USP46: variants seen among roughly 807,000 people sequenced by gnomAD.
USP46 encodes ubiquitin specific peptidase 46, also known as ubiquitin carboxyl-terminal hydrolase 46.
In USP46, 12 loss-of-function variants were observed where a neutral mutation model predicts 44.4. The ratio of observed to expected loss-of-function variants is 0.27; its 90% CI spans 0.17 to 0.44. The LOEUF (loss-of-function observed/expected upper bound fraction) is 0.44. USP46 is among the 20% of genes least tolerant of loss of function. USP46 has a pLI of 1.00. For missense variants in USP46, 248 were observed against 444.8 expected (o/e 0.56, Z 3.98); for synonymous variants, 155 against 161.5 (o/e 0.96, Z 0.31).
chr4:52,628,151 A>G lies in USP46; in HGVS notation c.130T>C (p.Cys44Arg). 1 of 1,613,728 alleles carries G rather than the reference A, an allele frequency of 6.2e-7. No homozygotes were observed. Among genetic ancestry groups the G allele is most frequent in the Non-Finnish European group, 8.5e-7 (1 of 1,179,686 alleles). ...GCCTGAAGCACGGAGTTACAGTAGC[A>G]TGTGTTTCCAAACTGCCAAGGGACA... ...YFGLVNFGNT[C>R]YCNSVLQALY... The change falls in exon 3 of 9, where the codon TGC (cysteine) becomes CGC (arginine). Residue 44 changes from cysteine to arginine, a missense_variant. Physicochemically the swap from Cys to Arg is radical, Grantham distance 180. This residue lies in a region of USP46 where 54 missense variants were observed against 135.0 expected (regional missense o/e 0.40). Coordinates refer to ENST00000441222, the MANE Select transcript of USP46 (RefSeq NM_022832.4).
intron 1 of USP46, 30 bp from the exon 2 acceptor site, chr4:52,631,174 T>A (rs755932872): frequency 2.0e-6 from 3 of 1,527,782 alleles, no homozygotes. Context: ...AAAGTTCTGT[T>A]GCATGTAAAA....
At chr4:52,632,994 G>GAAAAGAAAA (rs1228732494) in intron 1 of USP46, among the ~76,000 whole-genome samples, 4 of 91,320 alleles carry the variant, frequency 4.4e-5, no homozygotes, top group South Asian at 4.1e-4. Flanking sequence ...GAAAAGAAAA[G>GAAAAGAAAA]AAAGAAAGAA....
intron 1 of USP46, among the ~76,000 whole-genome samples, chr4:52,631,780 C>A (rs1221584153): frequency 1.3e-5 from 2 of 152,012 alleles, no homozygotes; most frequent in African/African-American, 4.8e-5. Flanking sequence ...CCGAGGTGAG[C>A]GGATCACTTG....
intron 1 of USP46, chr4:52,656,721 T>A (rs569628214): frequency 7.7e-5 from 31 of 401,878 alleles, no homozygotes; most frequent in Non-Finnish European, 1.0e-4. Context: ...GACAACTTGT[T>A]CAAGGACACA....
chr4:52,648,730 T>G (rs1718644420), intron 1 of USP46, among the ~76,000 whole-genome samples: 3 of 152,184 alleles, frequency 2.0e-5, no homozygotes, highest in Admixed American at 1.3e-4. Flanking sequence ...ATTACTACAT[T>G]ACCCTCTGAT....
rs1242305150 is a variant in USP46, at chr4:52,601,955, C to T, written c.822G>A (p.Val274=). 2 of 1,613,972 alleles carry T rather than the reference C, an allele frequency of 1.2e-6. No homozygotes were observed. Among genetic ancestry groups the T allele is most frequent in the South Asian group, 1.1e-5 (1 of 91,068 alleles). Residue 274 remains valine (V), a synonymous_variant, in exon 7 of 9, where the codon GTG becomes GTA. Transcript: ENST00000441222. ...AGAGCCGGAGTTCCAGAGGGAAGACCACACGGTAAGACAGCTTGGTGTATC... is the reference window on the plus strand; with the variant it reads ...AGAGCCGGAGTTCCAGAGGGAAGACTACACGGTAAGACAGCTTGGTGTATC... The part of the protein sequence containing the change: ...LHRYTKLSYR[V]VFPLELRLFN...
At position 52,659,118 on chromosome 4, in the gene USP46, A is replaced by T. The variant is rs1169988432; in HGVS notation, c.33T>A (p.Asn11Lys). Residue 11 changes from asparagine to lysine, a missense_variant, in exon 1 of 9, where the codon AAT becomes AAA. Around this residue, in one of 5 missense-constraint regions of USP46, gnomAD observed 31 missense variants for 32.5 expected, o/e 0.96. Transcript: ENST00000441222. This position sits in a 1 kb window ranked among gnomAD's most constrained non-coding sequence, Gnocchi z 4.2. The stretch of plus-strand genomic sequence containing the variant: ...CCGAGGCGGCTCGGCCACTCACCAT[A>T]TTACAGATGGAGGCGATGTTTCGGA... MTVRNIASIC[N>K]MGTNASALEK... is the part of the protein sequence containing the mutation. 1 of 1,566,860 alleles carries T rather than the reference A, an allele frequency of 6.4e-7. No individual in the cohort carries two copies. The highest frequency in any genetic ancestry group is 1.4e-5 in the African/African-American group (1 of 71,274).
chr4:52,598,809 AT>A (rs1297102679), intron 7 of USP46, 103 bp from the exon 8 acceptor site: 33 of 1,099,310 alleles, frequency 3.0e-5, no homozygotes, highest in Non-Finnish European at 4.3e-5. Context: ...AAAAAAAACT[AT>A]GTCATCAGCG....
chr4:52,633,926 CA>C, intron 1 of USP46, among the ~76,000 whole-genome samples: 1 of 152,116 alleles, frequency 6.6e-6, no homozygotes, highest in Admixed American at 6.6e-5. Context: ...AGCGAAAAAT[CA>C]AAGTGAGCTC....
At chr4:52,632,606 A>G (rs1469464938) in intron 1 of USP46, among the ~76,000 whole-genome samples, 2 of 152,084 alleles carry the variant, frequency 1.3e-5, no homozygotes, top group Non-Finnish European at 2.9e-5. Flanking sequence ...AGATCCCTTG[A>G]GCCTCAGTGG....
At chr4:52,603,035 T>G (rs1311206277) in intron 6 of USP46, among the ~76,000 whole-genome samples, 1 of 152,220 alleles carries the variant, frequency 6.6e-6, no homozygotes, top group Non-Finnish European at 1.5e-5. Flanking sequence ...ATGCATAGTA[T>G]GTGAAAAAGA....
At chr4:52,646,918 C>T (rs1053163400) in intron 1 of USP46, among the ~76,000 whole-genome samples, 1 of 152,242 alleles carries the variant, frequency 6.6e-6, no homozygotes, top group Non-Finnish European at 1.5e-5. Flanking sequence ...CAGAGTCACA[C>T]ATATTGCTGA....
intron 4 of USP46, among the ~76,000 whole-genome samples, chr4:52,615,616 G>A (rs1197289248): frequency 6.6e-6 from 1 of 152,142 alleles, no homozygotes; most frequent in Non-Finnish European, 1.5e-5. Flanking sequence ...GTAAGTGAAG[G>A]AAGTCATACA....
chr4:52,634,016 C>A (rs1718010713), intron 1 of USP46, among the ~76,000 whole-genome samples: 1 of 152,214 alleles, frequency 6.6e-6, no homozygotes, highest in African/African-American at 2.4e-5. Context: ...TTGCTTGGAT[C>A]TGCAAGGGTC....
Position 52,610,635 on chromosome 4 carries a change from A to C in USP46, c.562-18T>G, listed in dbSNP as rs764096901. ...CTACTAACCTGAAACAAAAAACAGA[A>C]ACAATATATTAGGCATGAAATATGT... On this transcript the variant is annotated intron_variant, in intron 4 of 8. Transcript: ENST00000441222. 2 of 1,611,694 alleles carry C rather than the reference A, an allele frequency of 1.2e-6. No individual in the cohort carries two copies. The highest frequency in any genetic ancestry group is 1.7e-5 in the Admixed American group (1 of 59,940).
chr4:52,655,101 C>T (rs926488823), intron 1 of USP46, among the ~76,000 whole-genome samples: 6 of 152,200 alleles, frequency 3.9e-5, no homozygotes, highest in African/African-American at 1.4e-4. Flanking sequence ...AATGTGTATA[C>T]AACTTTGGTC....
intron 1 of USP46, among the ~76,000 whole-genome samples, chr4:52,633,351 C>T (rs1451829997): frequency 6.6e-6 from 1 of 152,188 alleles, no homozygotes; most frequent in Non-Finnish European, 1.5e-5. Flanking sequence ...TCATTTGCAT[C>T]TAGGATAGTT....
intron 1 of USP46, among the ~76,000 whole-genome samples, chr4:52,632,597 G>C (rs1427366555): frequency 6.6e-6 from 1 of 152,132 alleles, no homozygotes; most frequent in Non-Finnish European, 1.5e-5. Flanking sequence ...GAGGTGGGCA[G>C]ATCCCTTGAG....
intron 1 of USP46, among the ~76,000 whole-genome samples, chr4:52,638,519 C>T (rs577530970): frequency 4.7e-4 from 71 of 151,768 alleles, no homozygotes; most frequent in African/African-American, 1.6e-3. Flanking sequence ...ATATACCCCG[C>T]CCCATGCTCT....
Sources: allele counts gnomAD v4.1 joint callset (sites outside exome capture counted in the v4.1 genomes callset), GRCh38; gene constraint gnomAD v4.1.1; regional missense constraint gnomAD v4.1.1; non-coding constraint Gnocchi (gnomAD v3.1); transcripts MANE v1.5; gene names NCBI Gene and HGNC (gene_info 2026-07-23, HGNC 2026-07-21).